The following POLR2F variants were observed in gnomAD, a reference collection of about 807,000 sequenced individuals.
POLR2F encodes DNA-directed RNA polymerases I, II, and III subunit RPABC2.
In POLR2F, 12 loss-of-function variants were observed where a neutral mutation model predicts 22.7. The ratio of observed to expected loss-of-function variants is 0.53; its 90% CI spans 0.34 to 0.86. The LOEUF is 0.86. Among genes scored for constraint, POLR2F ranks in the 40% least tolerant of loss-of-function variants. The probability of loss-of-function intolerance (pLI) is 0.02; values close to 1 mark genes in which losing one functional copy is unlikely to be tolerated. For missense variants in POLR2F, 126 were observed against 171.5 expected, an observed-to-expected ratio of 0.73 and a Z score of 1.48; for synonymous variants, 57 against 66.0, an observed-to-expected ratio of 0.86 and a Z score of 0.66.
At chr22:38,013,851 G>A (rs969605030) in intron 1 of POLR2F, among the ~76,000 whole-genome samples, 2 of 152,092 alleles carry the variant, frequency 1.3e-5, no homozygotes, top group South Asian at 2.1e-4. Flanking sequence ...GGCCAGGCGC[G>A]GTGGCTTACG....
downstream of POLR2F, among the ~76,000 whole-genome samples, chr22:37,970,240 G>A (rs1423157101): frequency 2.0e-5 from 3 of 149,918 alleles, no homozygotes; most frequent in East Asian, 5.9e-4. Context: ...CTTGCAGTGA[G>A]CCGAGATCCC....
At chr22:38,023,245 G>A (rs559283391) in intron 1 of POLR2F, among the ~76,000 whole-genome samples, 1 of 152,076 alleles carries the variant, frequency 6.6e-6, no homozygotes, top group Non-Finnish European at 1.5e-5. Context: ...ATCAGCACAC[G>A]TCACTGTGCA....
chr22:38,002,443 G>A (rs373686818), intron 1 of POLR2F, among the ~76,000 whole-genome samples: 3 of 152,242 alleles, frequency 2.0e-5, no homozygotes, highest in African/African-American at 7.2e-5. Flanking sequence ...AAAGTGTCCA[G>A]GGCACTGCAA....
exon 6 of POLR2F, chr22:38,041,073 G>A (rs749309550): frequency 2.4e-5 from 39 of 1,612,788 alleles, no homozygotes; most frequent in Non-Finnish European, 3.1e-5. Flanking sequence ...TCCAGGAGGC[G>A]GCGGCTCAGA....
chr22:37,960,085 A>C (rs994046952), intron 3 of POLR2F, among the ~76,000 whole-genome samples: 3 of 151,702 alleles, frequency 2.0e-5, no homozygotes, highest in Non-Finnish European at 2.9e-5. Flanking sequence ...ATTGCAGGTG[A>C]GAGCCACCGC....
Position 37,968,753 on chromosome 22 carries a change from A to T in POLR2F, c.*1038A>T, listed in dbSNP as rs552891279. The T allele has an allele frequency of 4.4e-4, 438 of 985,332 alleles. 1 individual carries two copies. The highest frequency in any genetic ancestry group is 5.5e-4 in the Admixed American group (9 of 16,288). The allele number at this position is 985,332 out of a possible 1,614,324, so 61.0% of individuals were successfully genotyped here. On this transcript the variant is annotated 3_prime_UTR_variant, in exon 5 of 5. Transcript: ENST00000442738. ...CCATTCCACTGCCAGCTCCCCTTCA[A>T]AGAGGAGGAGCTGGGCTTCCCTAAC...
chr22:37,981,006 C>G (rs1932379283), intron 4 of POLR2F, among the ~76,000 whole-genome samples: 1 of 152,160 alleles, frequency 6.6e-6, no homozygotes, highest in Non-Finnish European at 1.5e-5. Context: ...CCACAGGCAC[C>G]ACCCTGTGAT....
intron 1 of POLR2F, among the ~76,000 whole-genome samples, chr22:38,012,609 TTG>T (rs1230701411): frequency 6.6e-6 from 1 of 152,220 alleles, no homozygotes; most frequent in Non-Finnish European, 1.5e-5. Flanking sequence ...GTTGTTGTCG[TTG>T]TTCCAGGATC....
At chr22:37,954,893 G>GCC (rs1931309556) in intron 1 of POLR2F, among the ~76,000 whole-genome samples, 2 of 152,164 alleles carry the variant, frequency 1.3e-5, no homozygotes, top group Non-Finnish European at 2.9e-5. Context: ...AAGCCGGGGA[G>GCC]GTGGGGGAAC....
At chr22:38,030,900 G>T (rs2085058436), downstream of POLR2F, among the ~76,000 whole-genome samples, 1 of 152,146 alleles carries the variant, frequency 6.6e-6, no homozygotes, top group African/African-American at 2.4e-5. Flanking sequence ...AAATCCATCA[G>T]ATCAGTCGGC....
At chr22:37,983,221 AC>A (rs1472731751), upstream of POLR2F, 19 of 1,077,260 alleles carry the variant, frequency 1.8e-5, no homozygotes, top group Non-Finnish European at 2.6e-5. The surrounding 1 kb of genome is among the most constrained non-coding windows in gnomAD (Gnocchi z 9.5). Flanking sequence ...CGGCCCCCAC[AC>A]CTGGTCTTCC....
At chr22:37,993,341 C>T (rs1192090052) in intron 1 of POLR2F, among the ~76,000 whole-genome samples, 1 of 152,158 alleles carries the variant, frequency 6.6e-6, no homozygotes, top group Non-Finnish European at 1.5e-5. Context: ...TGATCCAGGC[C>T]ATTGCCCCAG....
chr22:37,983,261 G>A (rs946978809), upstream of POLR2F: 486 of 1,381,112 alleles, frequency 3.5e-4, 4 homozygotes, highest in Admixed American at 5.9e-5. This position sits in a 1 kb window ranked among gnomAD's most constrained non-coding sequence, Gnocchi z 9.5. Flanking sequence ...CTGCCAGACA[G>A]TCCCGCTCTG....
At chr22:38,026,010 C>T (rs537455273) in exon 2 of POLR2F, 108 of 556,278 alleles carry the variant, frequency 1.9e-4, no homozygotes, top group Non-Finnish European at 2.7e-4. Flanking sequence ...ATCTTCCCCT[C>T]GTGCACTTGG....
chr22:38,023,373 CTG>C (rs1477154086), intron 1 of POLR2F, among the ~76,000 whole-genome samples: 1 of 152,088 alleles, frequency 6.6e-6, no homozygotes. Context: ...GGCCTGAAAA[CTG>C]TTTCTTAAAA....
At chr22:37,961,146 G>C (rs975205178) in intron 3 of POLR2F, among the ~76,000 whole-genome samples, 1 of 152,146 alleles carries the variant, frequency 6.6e-6, no homozygotes. Context: ...ACCGCGCCTG[G>C]CCGGCTCAAG....
chr22:38,011,722 C>G (rs1028139046), intron 1 of POLR2F, among the ~76,000 whole-genome samples: 4 of 151,948 alleles, frequency 2.6e-5, no homozygotes, highest in African/African-American at 9.7e-5. Context: ...TTCAAAATTC[C>G]TGTACTAGTC....
chr22:37,973,991 G>A (rs771952299), downstream of POLR2F: 7 of 1,612,968 alleles, frequency 4.3e-6, no homozygotes, highest in Non-Finnish European at 5.9e-6. Context: ...CCCATTGGGC[G>A]GCAGGTACTG....
chr22:37,997,089 G>A lies in POLR2F; in HGVS notation c.120+10777G>A, dbSNP rs770709461. Among the ~76,000 whole-genome samples the A allele has an allele frequency of 2.0e-5, 3 of 152,044 alleles. No homozygotes were observed. Among genetic ancestry groups the A allele is most frequent in the African/African-American group, 4.8e-5 (2 of 41,402 alleles). On this transcript the variant is annotated intron_variant, in intron 1 of 2. Transcript: ENST00000333418. The surrounding 1 kb of genome is among the most constrained non-coding windows in gnomAD (Gnocchi z 4.4). ...CCAGCTGGGACACAGGTGGCAGGCC[G>A]TAGGGAGCAGGGTGCTGCCTGGGGA...
Sources: allele counts gnomAD v4.1 joint callset (sites outside exome capture counted in the v4.1 genomes callset), GRCh38; gene constraint gnomAD v4.1.1; non-coding constraint Gnocchi (gnomAD v3.1); transcripts MANE v1.5; gene names NCBI Gene and HGNC (gene_info 2026-07-23, HGNC 2026-07-21).